IGLL1: variants seen among roughly 807,000 people sequenced by gnomAD.
The protein encoded by IGLL1 is immunoglobulin lambda like polypeptide 1.
IGLL1 carries 10 observed loss-of-function variants against 10.5 expected under a neutral mutation model. That is an observed-to-expected ratio of 0.95 (90% CI 0.59 to 1.62). The LOEUF (loss-of-function observed/expected upper bound fraction) is 1.62, where lower values mean the gene tolerates loss of function less well. IGLL1 is among the 40% of genes most tolerant of loss of function. The pLI, the probability that IGLL1 is intolerant of heterozygous loss-of-function variation, is 0.00. For synonymous variants in IGLL1, 141 were observed against 122.7 expected (o/e 1.15, Z -0.99); for missense variants, 284 against 278.7 (o/e 1.02, Z -0.14).
intron 2 of IGLL1, among the ~76,000 whole-genome samples, chr22:23,574,618 AG>A (rs1424083345): frequency 1.3e-5 from 2 of 152,148 alleles, no homozygotes; most frequent in African/African-American, 4.8e-5. Flanking sequence ...CTGGGGTCCC[AG>A]GGACTGTCTC....
intron 2 of IGLL1, among the ~76,000 whole-genome samples, chr22:23,573,886 T>G (rs1410176587): frequency 6.6e-6 from 1 of 151,842 alleles, no homozygotes; most frequent in Non-Finnish European, 1.5e-5. Flanking sequence ...CCTTCCTGGT[T>G]TCTGGAGTCT....
rs752183941 is a variant in IGLL1, at chr22:23,573,541, A to G, written c.367T>C (p.Ser123Pro). 18 of 1,613,800 alleles carry G rather than the reference A, an allele frequency of 1.1e-5. No homozygotes were observed. In the Admixed American group the frequency reaches 2.5e-4, roughly 22 times the overall value. ...GCCTTGTTGGCTTGGAGCTCCTCAG[A>G]GGACGGCGGGAACAGAGTGACCGAG... The part of the protein sequence containing the change: ...TPSVTLFPPS[S>P]EELQANKATL... The change falls in exon 3 of 3, where the codon TCT (serine) becomes CCT (proline). Residue 123 changes from serine to proline, a missense_variant. Coordinates refer to ENST00000330377, the MANE Select transcript of IGLL1 (RefSeq NM_020070.4).
chr22:23,574,541 C>G (rs1043391314), intron 2 of IGLL1, among the ~76,000 whole-genome samples: 114 of 152,308 alleles, frequency 7.5e-4, no homozygotes, highest in Non-Finnish European at 1.5e-3. Flanking sequence ...TGGGGGTGAC[C>G]CCTGTGTCCC....
Position 23,575,069 on chromosome 22 carries a change from G to C in IGLL1, c.220C>G (p.Arg74Gly). ...CACCTGGGGCCAGTCCAGGAGCCGC[G>C]CTGGAGCAGGAACCTGCTGGGAGTG... is the stretch of plus-strand genomic sequence containing the variant. The part of the protein sequence containing the change: ...RSRWGRFLLQ[R>G]GSWTGPRCWP... The change falls in exon 2 of 3, where the codon CGC becomes GGC. Residue 74 changes from arginine (R) to glycine (G), a missense_variant. Coordinates refer to ENST00000330377, the MANE Select transcript of IGLL1 (RefSeq NM_020070.4). 5 of 1,613,486 alleles carry C rather than the reference G, an allele frequency of 3.1e-6. No homozygotes were observed. The highest frequency in any genetic ancestry group is 4.2e-6 in the Non-Finnish European group (5 of 1,179,460).
chr22:23,579,982 T>C lies in IGLL1; in HGVS notation c.206+3A>G, dbSNP rs780565684. Reference sequence around the variant, plus strand: ...ACATCCCCTGGAATCTCTCACCCCTTACCTGCCCCACCGGCTCCTCAGGCT... The same window carrying C: ...ACATCCCCTGGAATCTCTCACCCCTCACCTGCCCCACCGGCTCCTCAGGCT... On this transcript the variant is annotated splice_donor_region_variant and intron_variant, in intron 1 of 2. Transcript: ENST00000330377. The C allele has an allele frequency of 2.9e-5, 45 of 1,574,898 alleles. No individual in the cohort carries two copies. Among genetic ancestry groups the C allele is most frequent in the Non-Finnish European group, 3.8e-5 (44 of 1,165,864 alleles).
chr22:23,580,174 C>T lies in IGLL1; in HGVS notation c.17G>A (p.Gly6Asp). The T allele has an allele frequency of 6.5e-7, 1 of 1,542,686 alleles. No individual in the cohort carries two copies. Among genetic ancestry groups the T allele is most frequent in the Non-Finnish European group, 8.7e-7 (1 of 1,147,952 alleles). The part of the protein sequence containing the change: MRPGT[G>D]QGGLEAPGEP... ...ACCAGGGGCCTCAAGGCCCCCCTGG[C>T]CTGTCCCTGGCCTCATCGGCCCTCA... Residue 6 changes from glycine (G) to aspartate (D), a missense_variant, in exon 1 of 3, where the codon GGC becomes GAC. Transcript: ENST00000330377.
chr22:23,575,177 AGT>A, intron 1 of IGLL1, 95 bp from the exon 2 acceptor site: 1 of 860,938 alleles, frequency 1.2e-6, no homozygotes, highest in Non-Finnish European at 2.0e-6. Context: ...GTCCCCCAGT[AGT>A]GTCTCTGTGC....
chr22:23,573,688 G>C (rs1477513283), intron 2 of IGLL1, 103 bp from the exon 3 acceptor site: 1 of 899,110 alleles, frequency 1.1e-6, no homozygotes, highest in Non-Finnish European at 1.8e-6. Context: ...TGGTGTGGCC[G>C]CCTGGTCCAC....
chr22:23,577,593 A>C (rs1925125430), intron 1 of IGLL1, among the ~76,000 whole-genome samples: 1 of 136,138 alleles, frequency 7.3e-6, no homozygotes, highest in South Asian at 2.3e-4. Context: ...GCTGGAGTGC[A>C]GTGGTGGGAT....
intron 1 of IGLL1, among the ~76,000 whole-genome samples, chr22:23,575,863 T>C (rs1453812756): frequency 6.6e-6 from 1 of 152,180 alleles, no homozygotes; most frequent in Non-Finnish European, 1.5e-5. Context: ...AGTGACTCTT[T>C]TCCCCTTGGG....
chr22:23,575,805 G>T (rs969906844), intron 1 of IGLL1, among the ~76,000 whole-genome samples: 4 of 152,172 alleles, frequency 2.6e-5, no homozygotes, highest in African/African-American at 9.7e-5. Context: ...TCCTTCTGCT[G>T]TACCTGGTGT....
intron 1 of IGLL1, 63 bp downstream of exon 1, chr22:23,579,922 G>C: frequency 7.1e-7 from 1 of 1,404,106 alleles, no homozygotes; most frequent in Non-Finnish European, 9.7e-7. Context: ...GTCTCCCCTT[G>C]GTCATCCTTT....
chr22:23,574,019 C>T (rs1263508759), intron 2 of IGLL1, among the ~76,000 whole-genome samples: 9 of 151,810 alleles, frequency 5.9e-5, no homozygotes, highest in Non-Finnish European at 1.2e-4. Flanking sequence ...GTGCCCCAGC[C>T]TGGCCCACTC....
Position 23,573,571 on chromosome 22 carries a change from T to C in IGLL1, c.337A>G (p.Thr113Ala), listed in dbSNP as rs752237176. Residue 113 changes from threonine (T) to alanine (A), a missense_variant, in exon 3 of 3, where the codon ACC becomes GCC. Coordinates refer to ENST00000330377, the MANE Select transcript of IGLL1 (RefSeq NM_020070.4). Reference protein sequence around the residue: ...QLTVLSQPKATPSVTLFPPSS... With the variant: ...QLTVLSQPKAAPSVTLFPPSS... The stretch of plus-strand genomic sequence containing the variant: ...GGCGGGAACAGAGTGACCGAGGGGG[T>C]GGCCTTGGGCTGACCTGTGTGGACA... 2 of 1,613,544 alleles carry C rather than the reference T, an allele frequency of 1.2e-6. No individual in the cohort carries two copies. Among genetic ancestry groups the C allele is most frequent in the Non-Finnish European group, 8.5e-7 (1 of 1,179,710 alleles).
chr22:23,578,645 C>A (rs548037418), intron 1 of IGLL1, among the ~76,000 whole-genome samples: 2 of 152,288 alleles, frequency 1.3e-5, no homozygotes, highest in Non-Finnish European at 2.9e-5. Flanking sequence ...CCAGTCAGGG[C>A]CCCTCAGATT....
chr22:23,579,437 A>G (rs540620214), intron 1 of IGLL1, among the ~76,000 whole-genome samples: 1 of 152,184 alleles, frequency 6.6e-6, no homozygotes, highest in East Asian at 1.9e-4. Flanking sequence ...TGTGTCTCCT[A>G]GGGGCTGGTT....
At chr22:23,575,859 T>C (rs749927058) in intron 1 of IGLL1, among the ~76,000 whole-genome samples, 1 of 152,176 alleles carries the variant, frequency 6.6e-6, no homozygotes, top group South Asian at 2.1e-4. Context: ...TTCCAGTGAC[T>C]CTTTTCCCCT....
chr22:23,578,737 C>T (rs1208562520), intron 1 of IGLL1, among the ~76,000 whole-genome samples: 4 of 152,056 alleles, frequency 2.6e-5, no homozygotes, highest in Admixed American at 1.3e-4. Context: ...GGTGGATCAC[C>T]TGAGGTCAGG....
At chr22:23,575,831 C>G (rs913886148) in intron 1 of IGLL1, among the ~76,000 whole-genome samples, 2 of 152,236 alleles carry the variant, frequency 1.3e-5, no homozygotes, top group African/African-American at 4.8e-5. Flanking sequence ...CTGGATGCGA[C>G]ACAGGGCTGG....
Sources: allele counts gnomAD v4.1 joint callset (sites outside exome capture counted in the v4.1 genomes callset), GRCh38; gene constraint gnomAD v4.1.1; transcripts MANE v1.5; gene names NCBI Gene and HGNC (gene_info 2026-07-23, HGNC 2026-07-21).